Variants in PDCD1LG2 observed in about 807,000 individuals in gnomAD.
PDCD1LG2 encodes the protein programmed cell death 1 ligand 2.
A neutral mutation model predicts 28.2 loss-of-function variants in PDCD1LG2; 32 were observed. The ratio of observed to expected loss-of-function variants is 1.13; its 90% CI spans 0.86 to 1.52. PDCD1LG2 has a LOEUF of 1.52. Among genes scored for constraint, PDCD1LG2 ranks in the 40% most tolerant of loss-of-function variants. The pLI, the probability that PDCD1LG2 is intolerant of heterozygous loss-of-function variation, is 0.00. For synonymous variants in PDCD1LG2, 116 were observed against 120.2 expected (o/e 0.97, Z 0.23); for missense variants, 385 against 323.8 (o/e 1.19, Z -1.45).
At chr9:5,514,162 A>G (rs1008763562) in intron 1 of PDCD1LG2, among the ~76,000 whole-genome samples, 1 of 152,264 alleles carries the variant, frequency 6.6e-6, no homozygotes, top group African/African-American at 2.4e-5. Flanking sequence ...AGATACTTCC[A>G]TAGAATGTCT....
chr9:5,523,228 T>G (rs1586794586), intron 2 of PDCD1LG2, among the ~76,000 whole-genome samples: 1 of 152,278 alleles, frequency 6.6e-6, no homozygotes, highest in East Asian at 1.9e-4. Flanking sequence ...AGTTTCACAG[T>G]TGGTTGTTCT....
Position 5,569,893 on chromosome 9 carries a change from AG to A in PDCD1LG2, c.817-59del. 1 of 1,539,986 alleles carries A rather than the reference AG, an allele frequency of 6.5e-7. No individual in the cohort carries two copies. Among genetic ancestry groups the A allele is most frequent in the Non-Finnish European group, 8.9e-7 (1 of 1,119,578 alleles). ...TTAGTTCCTCACTCAAATTTTGGGG[AG>A]GTTATATATTTTCTAATCATAAAAA... On this transcript the variant is annotated intron_variant, in intron 6 of 6. Coordinates refer to ENST00000397747, the MANE Select transcript of PDCD1LG2 (RefSeq NM_025239.4). This position sits in a 1 kb window ranked among gnomAD's most constrained non-coding sequence, Gnocchi z 4.1.
At chr9:5,537,244 T>C (rs868304168) in intron 3 of PDCD1LG2, among the ~76,000 whole-genome samples, 138 of 152,308 alleles carry the variant, frequency 9.1e-4, no homozygotes, top group African/African-American at 3.1e-3. Flanking sequence ...CCTTAGCCTT[T>C]ATAAGCTACA....
chr9:5,549,698 G>A (rs2129880628), intron 4 of PDCD1LG2, 94 bp downstream of exon 4: 2 of 1,448,128 alleles, frequency 1.4e-6, no homozygotes, highest in Non-Finnish European at 1.9e-6. Flanking sequence ...TGTAATAAAG[G>A]GACTGTTTAC....
intron 2 of PDCD1LG2, among the ~76,000 whole-genome samples, chr9:5,527,212 G>A (rs1387098219): frequency 6.6e-6 from 1 of 151,954 alleles, no homozygotes; most frequent in Admixed American, 6.6e-5. Context: ...TTTTAAAAAA[G>A]TCTTATGAAT....
Position 5,549,603 on chromosome 9 carries a change from A to C in PDCD1LG2, c.630A>C (p.Gln210His). The C allele has an allele frequency of 6.2e-7, 1 of 1,614,040 alleles. No individual in the cohort carries two copies. The highest frequency in any genetic ancestry group is 8.5e-7 in the Non-Finnish European group (1 of 1,179,916). ...TTACTTTGGCCAGCATTGACCTTCAAAGTAAGAGCTGCCCCCACTTCCTAG... is the reference window on the plus strand; with the variant it reads ...TTACTTTGGCCAGCATTGACCTTCACAGTAAGAGCTGCCCCCACTTCCTAG... ...RELTLASIDLQSQMEPRTHPT... is the reference protein window; with the variant it reads ...RELTLASIDLHSQMEPRTHPT... The change falls in exon 4 of 7, where the codon CAA becomes CAC. Residue 210 changes from glutamine (Q) to histidine (H), a missense_variant and splice_region_variant. Gln to His is a conservative substitution (Grantham distance 24). Coordinates refer to ENST00000397747, the MANE Select transcript of PDCD1LG2 (RefSeq NM_025239.4).
At chr9:5,539,502 C>CA (rs1272016682) in intron 3 of PDCD1LG2, among the ~76,000 whole-genome samples, 1 of 152,110 alleles carries the variant, frequency 6.6e-6, no homozygotes, top group African/African-American at 2.4e-5. Flanking sequence ...GAGTTAATTT[C>CA]AAAAGGACAG....
At chr9:5,520,295 G>T (rs1425121592) in intron 1 of PDCD1LG2, among the ~76,000 whole-genome samples, 1 of 152,144 alleles carries the variant, frequency 6.6e-6, no homozygotes, top group Non-Finnish European at 1.5e-5. Context: ...TTATATATAT[G>T]ATCAATTGAT....
intron 1 of PDCD1LG2, among the ~76,000 whole-genome samples, chr9:5,519,624 C>A (rs932046507): frequency 7.9e-5 from 12 of 152,160 alleles, no homozygotes; most frequent in Non-Finnish European, 1.8e-4. Context: ...ATGCAGATAT[C>A]CATGACTTTA....
At chr9:5,521,031 A>G (rs1420244201) in intron 1 of PDCD1LG2, among the ~76,000 whole-genome samples, 1 of 152,226 alleles carries the variant, frequency 6.6e-6, no homozygotes, top group Non-Finnish European at 1.5e-5. Context: ...TTATTTAGTC[A>G]CAAAAAGGAA....
chr9:5,526,677 ATCC>A (rs1820386519), intron 2 of PDCD1LG2, among the ~76,000 whole-genome samples: 2 of 152,128 alleles, frequency 1.3e-5, no homozygotes, highest in Non-Finnish European at 2.9e-5. Context: ...GTCTCAAGCA[ATCC>A]TCCTGCCCCA....
rs537600121 is a variant in PDCD1LG2, at chr9:5,570,307, G to C, written c.*348G>C. 27 of 281,078 alleles carry C rather than the reference G, an allele frequency of 9.6e-5. No homozygotes were observed. The highest frequency in any genetic ancestry group is 5.7e-4 in the African/African-American group (27 of 47,052). 17.4% of individuals were successfully genotyped at this position (281,078 alleles called of 1,614,324 possible). ...TTATTTCCCCTCAAGTTTTCTAAGT[G>C]ATTTCCAAAAGCAGAGGTGTGTGGA... On this transcript the variant is annotated 3_prime_UTR_variant, in exon 7 of 7. Transcript: ENST00000397747.
intron 5 of PDCD1LG2, among the ~76,000 whole-genome samples, chr9:5,560,882 AG>A (rs1441812380): frequency 6.6e-6 from 1 of 152,106 alleles, no homozygotes; most frequent in African/African-American, 2.4e-5. Flanking sequence ...TTTTCCCCTA[AG>A]AGGAACCATT....
intron 2 of PDCD1LG2, 146 bp from the exon 3 acceptor site, chr9:5,534,599 G>A (rs563769156): frequency 2.9e-6 from 2 of 686,984 alleles, no homozygotes; most frequent in African/African-American, 3.6e-5. Context: ...TGGGGCAAAG[G>A]AGAAAAAGGA....
At chr9:5,552,251 T>C (rs1311143959) in intron 4 of PDCD1LG2, among the ~76,000 whole-genome samples, 1 of 152,234 alleles carries the variant, frequency 6.6e-6, no homozygotes, top group South Asian at 2.1e-4. Flanking sequence ...ATAATCAAGA[T>C]TGATTTCTCC....
intron 4 of PDCD1LG2, among the ~76,000 whole-genome samples, chr9:5,550,101 C>T (rs1816299661): frequency 6.6e-6 from 1 of 152,156 alleles, no homozygotes; most frequent in Non-Finnish European, 1.5e-5. Context: ...ATATCTAGTA[C>T]AATAGCTAAT....
chr9:5,521,485 G>T (rs186850505), intron 1 of PDCD1LG2, among the ~76,000 whole-genome samples: 1 of 151,750 alleles, frequency 6.6e-6, no homozygotes, highest in Non-Finnish European at 1.5e-5. Flanking sequence ...ATATAAACTC[G>T]CCAACAGACC....
chr9:5,512,378 A>T (rs1820078419), intron 1 of PDCD1LG2, among the ~76,000 whole-genome samples: 1 of 152,118 alleles, frequency 6.6e-6, no homozygotes, highest in Non-Finnish European at 1.5e-5. Context: ...TGTCTCTAAC[A>T]CACCTGTGGG....
intron 6 of PDCD1LG2, among the ~76,000 whole-genome samples, chr9:5,563,428 T>C (rs573230769): frequency 6.6e-6 from 1 of 152,320 alleles, no homozygotes; most frequent in Middle Eastern, 3.4e-3. Flanking sequence ...CACTCCTAGA[T>C]GATACTGCAC....
Sources: allele counts gnomAD v4.1 joint callset (sites outside exome capture counted in the v4.1 genomes callset), GRCh38; gene constraint gnomAD v4.1.1; non-coding constraint Gnocchi (gnomAD v3.1); transcripts MANE v1.5; gene names NCBI Gene and HGNC (gene_info 2026-07-23, HGNC 2026-07-21).